The following SRGAP3 variants were observed in gnomAD, a reference collection of about 807,000 sequenced individuals.
SRGAP3 encodes SLIT-ROBO Rho GTPase activating protein 3.
Under a neutral mutation model 121.1 loss-of-function variants are expected in SRGAP3, and 39 were observed. That is an observed-to-expected ratio of 0.32 (90% CI 0.25 to 0.42). The LOEUF (loss-of-function observed/expected upper bound fraction) is 0.42. SRGAP3 is among the 10% of genes least tolerant of loss of function. The pLI is 1.00. For synonymous variants in SRGAP3, 601 were observed against 570.0 expected, an observed-to-expected ratio of 1.05 and a Z score of -0.77; for missense variants, 1,213 against 1,470.6, an observed-to-expected ratio of 0.82 and a Z score of 2.86.
chr3:9,260,592 T>C (rs1444122142), intron 3 of SRGAP3, among the ~76,000 whole-genome samples: 1 of 152,176 alleles, frequency 6.6e-6, no homozygotes, highest in African/African-American at 2.4e-5. Flanking sequence ...CCAGACTGCC[T>C]CTCTAGATTC....
intron 3 of SRGAP3, chr3:9,081,394 C>CT: frequency 2.4e-6 from 1 of 410,374 alleles, no homozygotes; most frequent in Non-Finnish European, 4.8e-6. Context: ...CCACTGTTGG[C>CT]TGTGTGGCCT....
intron 21 of SRGAP3, 150 bp from the exon 22 acceptor site, chr3:8,986,082 A>G: frequency 6.8e-7 from 1 of 1,474,268 alleles, no homozygotes; most frequent in South Asian, 1.2e-5. Context: ...TTATAACCAC[A>G]TGGGAGAACC....
intron 4 of SRGAP3, among the ~76,000 whole-genome samples, chr3:9,069,457 C>G (rs1946582166): frequency 6.6e-6 from 1 of 152,182 alleles, no homozygotes; most frequent in Non-Finnish European, 1.5e-5. Flanking sequence ...AGGTACCCAT[C>G]CACTTGATGC....
chr3:9,295,159 T>C lies in SRGAP3; in HGVS notation n.442+30851A>G, dbSNP rs1007277449. Among the ~76,000 whole-genome samples, 3 of 152,212 alleles carry C rather than the reference T, an allele frequency of 2.0e-5. No homozygotes were observed. The South Asian group carries it at 6.2e-4, about 32-fold the overall frequency. On this transcript the variant is annotated intron_variant and non_coding_transcript_variant, in intron 3 of 3. Coordinates refer to the SRGAP3 transcript ENST00000490889. ...ATCTGATGGCCTTCCCCATCACTCA[T>C]GCCTGATTGAATAACAGGGTTAAAA...
intron 1 of SRGAP3, among the ~76,000 whole-genome samples, chr3:9,340,341 C>A (rs1013338653): frequency 2.0e-5 from 3 of 152,170 alleles, no homozygotes; most frequent in African/African-American, 7.2e-5. Flanking sequence ...AGATGGAAAA[C>A]TAAATAATAA....
intron 3 of SRGAP3, among the ~76,000 whole-genome samples, chr3:9,258,193 C>T (rs955515564): frequency 2.6e-5 from 4 of 152,070 alleles, no homozygotes; most frequent in Non-Finnish European, 5.9e-5. Context: ...GGGCACTTGA[C>T]CTAGACTTGG....
chr3:8,994,434 G>A lies in SRGAP3; in HGVS notation c.2317C>T (p.Leu773=). The change falls in exon 19 of 22, where the codon CTG becomes TTG. Residue 773 remains leucine (L), a synonymous_variant. Coordinates refer to ENST00000383836, the MANE Select transcript of SRGAP3 (RefSeq NM_014850.4). ...LSFKKGASLL[L]YHRASEDWWE... ...CAGTCCTCCGAGGCGCGGTGGTACA[G>A]GAGCAGCGAGGCCCCCTTCTTGAAG... The A allele has an allele frequency of 1.2e-6, 2 of 1,614,248 alleles. No individual in the cohort carries two copies. The highest frequency in any genetic ancestry group is 1.7e-6 in the Non-Finnish European group (2 of 1,180,046).
At chr3:9,178,952 A>G (rs1951280432) in intron 1 of SRGAP3, among the ~76,000 whole-genome samples, 1 of 152,154 alleles carries the variant, frequency 6.6e-6, no homozygotes, top group Non-Finnish European at 1.5e-5. Flanking sequence ...CCTTTGCTGT[A>G]CTGACAGCCC....
chr3:9,056,117 T>C, intron 8 of SRGAP3, 116 bp downstream of exon 8: 3 of 892,788 alleles, frequency 3.4e-6, no homozygotes, highest in South Asian at 1.4e-5. Flanking sequence ...TCGTGTACTA[T>C]TCCATCTTAT....
intron 3 of SRGAP3, among the ~76,000 whole-genome samples, chr3:9,274,795 G>T (rs1014102348): frequency 1.3e-5 from 2 of 152,176 alleles, no homozygotes; most frequent in Non-Finnish European, 2.9e-5. Context: ...GCCATTCCCA[G>T]CTGAACTTTT....
chr3:9,175,063 G>A (rs144520891), intron 1 of SRGAP3, among the ~76,000 whole-genome samples: 4 of 152,202 alleles, frequency 2.6e-5, no homozygotes, highest in South Asian at 2.1e-4. Context: ...GAAACTCCCC[G>A]GGATGCTTAG....
rs996797353 is a variant in SRGAP3, at chr3:8,985,120, A to C, written c.*399T>G. 7.1e-6 allele frequency: 2 copies of C among 283,562 alleles called. No homozygotes were observed. The highest frequency in any genetic ancestry group is 1.3e-5 in the Non-Finnish European group (2 of 151,300). The allele number at this position is 283,562 out of a possible 1,614,324, so 17.6% of individuals were successfully genotyped here. ...TATATATATATATACACACACCTAC[A>C]GACACGTACATACGTATACATGTGT... On this transcript the variant is annotated 3_prime_UTR_variant, in exon 22 of 22. Coordinates refer to ENST00000383836, the MANE Select transcript of SRGAP3 (RefSeq NM_014850.4). The surrounding 1 kb of genome is among the most constrained non-coding windows in gnomAD (Gnocchi z 5.1).
At chr3:9,038,004 C>T in intron 11 of SRGAP3, 59 bp downstream of exon 11, 2 of 1,611,204 alleles carry the variant, frequency 1.2e-6, no homozygotes, top group South Asian at 2.2e-5. Flanking sequence ...CCTCCCCAGC[C>T]CCATCCCACT....
Position 9,349,112 on chromosome 3 carries a change from C to A in SRGAP3, n.214+13728G>T. The A allele has an allele frequency of 4.7e-6, 4 of 848,566 alleles. No homozygotes were observed. In the South Asian group the frequency reaches 5.3e-5, roughly 11 times the overall value. The allele number at this position is 848,566 out of a possible 1,614,324, so 52.6% of individuals were successfully genotyped here. Reference sequence around the variant, plus strand: ...CTATGAATTGGACAAGAACTTGAAACCCATACAGTTCCTGGGGGATGAAGA... The same window carrying A: ...CTATGAATTGGACAAGAACTTGAAAACCATACAGTTCCTGGGGGATGAAGA... On this transcript the variant is annotated intron_variant and non_coding_transcript_variant, in intron 1 of 3. Transcript: ENST00000490889.
intron 3 of SRGAP3, among the ~76,000 whole-genome samples, chr3:9,285,589 TA>T (rs1489887079): frequency 6.6e-6 from 1 of 152,148 alleles, no homozygotes; most frequent in Non-Finnish European, 1.5e-5. Context: ...ATCTCACACT[TA>T]CTTGTTCCAC....
intron 1 of SRGAP3, among the ~76,000 whole-genome samples, chr3:9,237,560 G>A (rs1202685955): frequency 6.6e-6 from 1 of 152,184 alleles, no homozygotes; most frequent in Non-Finnish European, 1.5e-5. Context: ...GTCTGCAGGT[G>A]GCATGCAACC....
At position 9,249,206 on chromosome 3, in the gene SRGAP3, G is replaced by A. The variant is rs986929474; in HGVS notation, c.-255C>T. The A allele has an allele frequency of 3.5e-6, 2 of 565,020 alleles. No homozygotes were observed. The highest frequency in any genetic ancestry group is 6.3e-6 in the Non-Finnish European group (2 of 316,188). 35.0% of individuals were successfully genotyped at this position (565,020 alleles called of 1,614,324 possible). A position where few individuals can be genotyped will look rare whatever the true frequency, so the allele number is the denominator to read the frequency against. Reference sequence around the variant, plus strand: ...TCTTGCAAAAGAAGAATCACCCTAGGAGCACAGTAACCTGCCCCAGATTTT... The same window carrying A: ...TCTTGCAAAAGAAGAATCACCCTAGAAGCACAGTAACCTGCCCCAGATTTT... On this transcript the variant is annotated 5_prime_UTR_variant, in exon 1 of 22. Transcript: ENST00000383836.
At chr3:9,046,893 T>G (rs998806254) in intron 10 of SRGAP3, among the ~76,000 whole-genome samples, 1 of 151,712 alleles carries the variant, frequency 6.6e-6, no homozygotes, top group African/African-American at 2.4e-5. Flanking sequence ...TGCAGTGGCA[T>G]GATCTCGGCT....
At chr3:9,015,875 C>T (rs778707809) in intron 14 of SRGAP3, 144 bp from the exon 15 acceptor site, 1 of 856,006 alleles carries the variant, frequency 1.2e-6, no homozygotes, top group Non-Finnish European at 1.9e-6. Flanking sequence ...AGGCCCCCCA[C>T]TTCAGCAAGT....
Sources: allele counts gnomAD v4.1 joint callset (sites outside exome capture counted in the v4.1 genomes callset), GRCh38; gene constraint gnomAD v4.1.1; non-coding constraint Gnocchi (gnomAD v3.1); transcripts MANE v1.5; gene names NCBI Gene and HGNC (gene_info 2026-07-23, HGNC 2026-07-21).